Variants in LRRC28 observed in about 807,000 individuals in gnomAD.
LRRC28 encodes leucine-rich repeat-containing protein 28.
A neutral mutation model predicts 45.7 loss-of-function variants in LRRC28; 39 were observed. That is an observed-to-expected ratio of 0.85 (90% CI 0.66 to 1.12). The LOEUF is 1.12. Ranked by LOEUF, LRRC28 falls within the 50% of genes most tolerant of loss-of-function variation. The pLI, the probability that LRRC28 is intolerant of heterozygous loss-of-function variation, is 0.00. For missense variants in LRRC28, 435 were observed against 438.5 expected (o/e 0.99, Z 0.07); for synonymous variants, 206 against 178.8 (o/e 1.15, Z -1.22).
intron 6 of LRRC28, among the ~76,000 whole-genome samples, chr15:99,335,151 T>G (rs978826470): frequency 6.6e-6 from 1 of 152,080 alleles, no homozygotes; most frequent in Admixed American, 6.6e-5. Context: ...GAGAAAAATA[T>G]CAAATATAAA....
chr15:99,361,441 T>G lies in LRRC28; in HGVS notation c.801T>G (p.His267Gln). 1 of 1,613,990 alleles carries G rather than the reference T, an allele frequency of 6.2e-7. No homozygotes were observed. The highest frequency in any genetic ancestry group is 8.5e-7 in the Non-Finnish European group (1 of 1,179,938). ...PAEVKAIGTE[H>Q]DHVLPLQELA... ...AGGTGAAGGCCATAGGGACGGAGCA[T>G]GATCACGTCCTCCCTCTGCAGGAAT... Residue 267 changes from histidine to glutamine, a missense_variant, in exon 8 of 10, where the codon CAT becomes CAG. Transcript: ENST00000301981.
chr15:99,294,433 C>T (rs1003342829), intron 5 of LRRC28, among the ~76,000 whole-genome samples: 3 of 151,978 alleles, frequency 2.0e-5, no homozygotes, highest in Admixed American at 2.0e-4. Flanking sequence ...TTATGCTCTC[C>T]AGTGTGTTAG....
intron 9 of LRRC28, among the ~76,000 whole-genome samples, chr15:99,376,243 G>C (rs1957627880): frequency 6.6e-6 from 1 of 152,024 alleles, no homozygotes; most frequent in African/African-American, 2.4e-5. Context: ...TTTGATCCAT[G>C]GGTCAAAGAA....
intron 3 of LRRC28, among the ~76,000 whole-genome samples, chr15:99,277,931 C>T (rs1406852873): frequency 6.6e-6 from 1 of 151,904 alleles, no homozygotes; most frequent in Non-Finnish European, 1.5e-5. Flanking sequence ...TCTTTTTTTA[C>T]TATCGTAAAT....
chr15:99,366,861 C>T (rs1957354227), intron 9 of LRRC28, among the ~76,000 whole-genome samples: 2 of 150,806 alleles, frequency 1.3e-5, no homozygotes, highest in African/African-American at 4.9e-5. Context: ...CCATAACAGT[C>T]TGCGTTCTGG....
At chr15:99,256,529 G>T (rs1446330471) in intron 2 of LRRC28, among the ~76,000 whole-genome samples, 1 of 152,130 alleles carries the variant, frequency 6.6e-6, no homozygotes, top group African/African-American at 2.4e-5. Context: ...TGCTTTTGAG[G>T]TACAGGCATT....
chr15:99,380,296 CTTCT>C (rs1224291171), intron 9 of LRRC28, among the ~76,000 whole-genome samples: 1 of 152,150 alleles, frequency 6.6e-6, no homozygotes, highest in Non-Finnish European at 1.5e-5. Flanking sequence ...ATGTAATGGC[CTTCT>C]TTGTCTCTTT....
intron 3 of LRRC28, among the ~76,000 whole-genome samples, chr15:99,277,016 C>G (rs2081635668): frequency 6.6e-6 from 1 of 152,060 alleles, no homozygotes; most frequent in Non-Finnish European, 1.5e-5. Context: ...TTCCTGCATC[C>G]TCCACGCTTC....
intron 5 of LRRC28, among the ~76,000 whole-genome samples, chr15:99,289,939 CAAAAAAAA>C (rs398028517): frequency 8.0e-5 from 4 of 49,712 alleles, no homozygotes; most frequent in Admixed American, 6.5e-4. Context: ...GACTCCGTCT[CAAAAAAAA>C]AAAAAAAAAA....
At chr15:99,266,388 A>AT (rs2081333310) in intron 2 of LRRC28, among the ~76,000 whole-genome samples, 1 of 152,166 alleles carries the variant, frequency 6.6e-6, no homozygotes, top group African/African-American at 2.4e-5. Context: ...GCATCGAGGC[A>AT]TACCAGCTAC....
At chr15:99,256,148 T>G in intron 2 of LRRC28, 23 bp downstream of exon 2, 1 of 1,569,200 alleles carries the variant, frequency 6.4e-7, no homozygotes, top group East Asian at 2.3e-5. Flanking sequence ...ATTACACTAC[T>G]GAAAAATTAT....
intron 7 of LRRC28, among the ~76,000 whole-genome samples, chr15:99,354,780 C>A (rs113834601): frequency 0.01 from 1,598 of 152,282 alleles, 32 homozygotes; most frequent in Middle Eastern, 0.034. Flanking sequence ...CCTGAAAGAT[C>A]AACTCCCTTC....
intron 5 of LRRC28, among the ~76,000 whole-genome samples, chr15:99,309,090 C>T (rs536930259): frequency 2.0e-5 from 3 of 152,314 alleles, no homozygotes; most frequent in South Asian, 2.1e-4. Flanking sequence ...TCTTGGAATG[C>T]AGACTTTGTG....
intron 6 of LRRC28, among the ~76,000 whole-genome samples, chr15:99,341,415 C>G (rs920065766): frequency 6.6e-6 from 1 of 152,060 alleles, no homozygotes; most frequent in Non-Finnish European, 1.5e-5. Context: ...TCTGACAGTG[C>G]TTTGTTTTTC....
Position 99,386,014 on chromosome 15 carries a change from C to CT in LRRC28, c.1032-11dup. 6.2e-7 allele frequency: 1 copy of CT among 1,612,184 alleles called. No individual in the cohort carries two copies. The highest frequency in any genetic ancestry group is 8.5e-7 in the Non-Finnish European group (1 of 1,178,306). ...TTGAACTCACAGCGTTCTTCTCTCC[C>CT]TTTTTCCCCTTCCAGGAAGACAACT... On this transcript the variant is annotated splice_polypyrimidine_tract_variant and intron_variant, in intron 9 of 9. Transcript: ENST00000301981.
intron 1 of LRRC28, among the ~76,000 whole-genome samples, chr15:99,255,236 T>C (rs1281836166): frequency 2.0e-5 from 3 of 151,826 alleles, no homozygotes; most frequent in African/African-American, 4.8e-5. Flanking sequence ...GTGCTCTCTA[T>C]AGTACCAGCT....
chr15:99,352,261 C>G (rs1956904690), intron 6 of LRRC28, 108 bp from the exon 7 acceptor site: 1 of 778,140 alleles, frequency 1.3e-6, no homozygotes, highest in African/African-American at 1.8e-5. Context: ...TGGTTTTCTT[C>G]CAGAGTAGAA....
chr15:99,288,678 T>A (rs1004722489), intron 5 of LRRC28, among the ~76,000 whole-genome samples: 1 of 150,280 alleles, frequency 6.7e-6, no homozygotes, highest in Non-Finnish European at 1.5e-5. Flanking sequence ...CCGTGCCTGG[T>A]TGACTTTTTT....
At chr15:99,354,266 A>T (rs952416721) in intron 7 of LRRC28, among the ~76,000 whole-genome samples, 1 of 152,230 alleles carries the variant, frequency 6.6e-6, no homozygotes, top group African/African-American at 2.4e-5. Context: ...TTGCACCCCC[A>T]AAATTATACT....
Sources: allele counts gnomAD v4.1 joint callset (sites outside exome capture counted in the v4.1 genomes callset), GRCh38; gene constraint gnomAD v4.1.1; transcripts MANE v1.5; gene names NCBI Gene and HGNC (gene_info 2026-07-23, HGNC 2026-07-21).